TSPAN5: variants seen among roughly 807,000 people sequenced by gnomAD.
TSPAN5 encodes tetraspanin-5.
TSPAN5 carries 10 observed loss-of-function variants against 37.1 expected under a neutral mutation model. That is an observed-to-expected ratio of 0.27 (90% CI 0.17 to 0.46). TSPAN5 has a LOEUF of 0.46. Ranked by LOEUF, TSPAN5 falls within the 20% of genes least tolerant of loss-of-function variation. The pLI is 1.00. For synonymous variants in TSPAN5, 110 were observed against 118.9 expected (o/e 0.93, Z 0.48); for missense variants, 195 against 326.6 (o/e 0.60, Z 3.11).
At chr4:98,634,020 G>A (rs540072022) in intron 1 of TSPAN5, among the ~76,000 whole-genome samples, 24 of 151,764 alleles carry the variant, frequency 1.6e-4, no homozygotes, top group South Asian at 4.2e-4. Flanking sequence ...CAGAGGTTGC[G>A]GTGAGTGGAG....
intron 1 of TSPAN5, among the ~76,000 whole-genome samples, chr4:98,656,326 G>C (rs1757293420): frequency 6.6e-6 from 1 of 152,106 alleles, no homozygotes; most frequent in Non-Finnish European, 1.5e-5. Flanking sequence ...AAGTCCCTGG[G>C]TGCTTTTTGT....
intron 1 of TSPAN5, among the ~76,000 whole-genome samples, chr4:98,614,083 C>CA (rs899595476): frequency 6.6e-6 from 1 of 152,138 alleles, no homozygotes; most frequent in African/African-American, 2.4e-5. Context: ...ATTTCATTTT[C>CA]AAGAAAGTAG....
intron 1 of TSPAN5, among the ~76,000 whole-genome samples, chr4:98,633,542 C>G (rs1756792012): frequency 6.6e-6 from 1 of 152,038 alleles, no homozygotes; most frequent in African/African-American, 2.4e-5. Context: ...CATATCTGAC[C>G]CCTATTTATT....
intron 1 of TSPAN5, among the ~76,000 whole-genome samples, chr4:98,537,435 C>G (rs1754260952): frequency 6.6e-6 from 1 of 152,158 alleles, no homozygotes; most frequent in Non-Finnish European, 1.5e-5. Context: ...TGTTCCTATT[C>G]GGCCATCTTG....
At chr4:98,542,542 A>G (rs927213973) in intron 1 of TSPAN5, among the ~76,000 whole-genome samples, 20 of 151,938 alleles carry the variant, frequency 1.3e-4, no homozygotes, top group African/African-American at 4.8e-4. Flanking sequence ...ACAGCAAGAC[A>G]CCCATTCTCT....
At chr4:98,652,838 T>A (rs1253281348) in intron 1 of TSPAN5, among the ~76,000 whole-genome samples, 2 of 152,216 alleles carry the variant, frequency 1.3e-5, no homozygotes, top group Non-Finnish European at 2.9e-5. Flanking sequence ...TCTAAATGAG[T>A]GCAACATTTT....
At chr4:98,625,411 T>C (rs575476057) in intron 1 of TSPAN5, among the ~76,000 whole-genome samples, 1 of 152,344 alleles carries the variant, frequency 6.6e-6, no homozygotes, top group East Asian at 1.9e-4. Flanking sequence ...CCAAAGCCCA[T>C]GAAACTGACC....
intron 1 of TSPAN5, among the ~76,000 whole-genome samples, chr4:98,533,949 A>AAAAACAACAAC (rs764876649): frequency 1.4e-4 from 20 of 143,490 alleles, no homozygotes; most frequent in Non-Finnish European, 2.6e-4. Context: ...TAAAAAAAAA[A>AAAAACAACAAC]AAAAAAAAAA....
chr4:98,528,472 T>C (rs1754012195), intron 1 of TSPAN5, among the ~76,000 whole-genome samples: 2 of 151,892 alleles, frequency 1.3e-5, no homozygotes. Flanking sequence ...AGTCTAGTTC[T>C]ATATTTAATC....
chr4:98,619,208 G>A (rs1256404483), intron 1 of TSPAN5, among the ~76,000 whole-genome samples: 1 of 152,146 alleles, frequency 6.6e-6, no homozygotes, highest in African/African-American at 2.4e-5. Flanking sequence ...TATCTCTTTT[G>A]GGAAATTCAT....
intron 1 of TSPAN5, among the ~76,000 whole-genome samples, chr4:98,579,291 C>T (rs138025398): frequency 1.3e-5 from 2 of 152,296 alleles, no homozygotes; most frequent in East Asian, 3.9e-4. Flanking sequence ...ATCTTCATCA[C>T]AGGAAGAGAA....
At chr4:98,560,743 C>CTA (rs765164809) in intron 1 of TSPAN5, among the ~76,000 whole-genome samples, 11 of 152,114 alleles carry the variant, frequency 7.2e-5, no homozygotes, top group Non-Finnish European at 1.2e-4. Context: ...ATAAACTAAA[C>CTA]TATATATATA....
intron 2 of TSPAN5, among the ~76,000 whole-genome samples, chr4:98,495,797 C>G (rs1753197307): frequency 6.6e-6 from 1 of 151,788 alleles, no homozygotes; most frequent in African/African-American, 2.4e-5. Context: ...CACAGAGGAG[C>G]CTCTGTGTGC....
chr4:98,655,057 G>A (rs1258489598), intron 1 of TSPAN5, among the ~76,000 whole-genome samples: 1 of 152,162 alleles, frequency 6.6e-6, no homozygotes, highest in African/African-American at 2.4e-5. Flanking sequence ...ATGTTGGCCA[G>A]GATGGTCTTG....
Position 98,476,463 on chromosome 4 carries a change from G to A in TSPAN5, c.577-3C>T. ...CACTGAGTGTTGATGACATCTTCCT[G>A]GTGAAGAAAGGAAAGAGAAAAGTGA... On this transcript the variant is annotated splice_polypyrimidine_tract_variant and splice_region_variant and intron_variant, in intron 5 of 7. Coordinates refer to ENST00000305798, the MANE Select transcript of TSPAN5 (RefSeq NM_005723.4). The A allele has an allele frequency of 6.2e-7, 1 of 1,613,972 alleles. No homozygotes were observed. Among genetic ancestry groups the A allele is most frequent in the Non-Finnish European group, 8.5e-7 (1 of 1,179,988 alleles).
intron 2 of TSPAN5, among the ~76,000 whole-genome samples, chr4:98,488,831 T>C (rs554870171): frequency 6.6e-6 from 1 of 152,092 alleles, no homozygotes; most frequent in African/African-American, 2.4e-5. Context: ...AGTGGGAGGA[T>C]CGCTTGAGGC....
At chr4:98,584,650 G>C (rs1478779074) in intron 1 of TSPAN5, among the ~76,000 whole-genome samples, 2 of 152,138 alleles carry the variant, frequency 1.3e-5, no homozygotes, top group Non-Finnish European at 2.9e-5. Context: ...CTTGCTAAAA[G>C]TCTCTTTATA....
intron 1 of TSPAN5, among the ~76,000 whole-genome samples, chr4:98,626,305 G>A (rs1320204407): frequency 1.3e-5 from 2 of 152,130 alleles, no homozygotes; most frequent in East Asian, 3.8e-4. Flanking sequence ...TACACAAAGG[G>A]CTTATCATAA....
intron 1 of TSPAN5, among the ~76,000 whole-genome samples, chr4:98,510,148 T>C (rs949499263): frequency 1.3e-5 from 2 of 152,182 alleles, no homozygotes; most frequent in Non-Finnish European, 2.9e-5. Context: ...TACTCTGAAA[T>C]AGGCGCTCTT....
Sources: allele counts gnomAD v4.1 joint callset (sites outside exome capture counted in the v4.1 genomes callset), GRCh38; gene constraint gnomAD v4.1.1; transcripts MANE v1.5; gene names NCBI Gene and HGNC (gene_info 2026-07-23, HGNC 2026-07-21).